Variants in NBAS observed in about 807,000 individuals in gnomAD.
NBAS encodes NAG/BC035112 fusion.
A neutral mutation model predicts 302.5 loss-of-function variants in NBAS; 219 were observed. That is an observed-to-expected ratio of 0.72 (90% CI 0.65 to 0.81). The LOEUF is 0.81. NBAS is among the 30% of genes least tolerant of loss of function. The probability of loss-of-function intolerance (pLI) is 0.00; values close to 1 mark genes in which losing one functional copy is unlikely to be tolerated. For missense variants in NBAS, 2,932 were observed against 2,841.6 expected, an observed-to-expected ratio of 1.03 and a Z score of -0.72; for synonymous variants, 1,118 against 1,021.6, an observed-to-expected ratio of 1.09 and a Z score of -1.80.
In NBAS at chr2:15,548,140, T is replaced by C. The variant is rs1057249761; in HGVS notation, c.379+3353A>G. 5.3e-4 allele frequency among the ~76,000 whole-genome samples: 80 copies of C among 152,352 alleles called. 1 individual carries two copies. Among genetic ancestry groups the C allele is most frequent in the African/African-American group, 1.8e-3 (76 of 41,594 alleles). On this transcript the variant is annotated intron_variant, in intron 6 of 51. Transcript: ENST00000281513. ...TTAAACAAGAAACAGGCAAACATAC[T>C]TTGTTGGTATATTCATTCATCCATA... is the stretch of plus-strand genomic sequence containing the variant.
At chr2:14,985,618 A>C in the NBAS span, among the ~76,000 whole-genome samples, 1 of 152,214 alleles carries the variant, frequency 6.6e-6, no homozygotes, top group African/African-American at 2.4e-5. Flanking sequence ...GTTTCAATGC[A>C]GAAATCTATT....
intron 9 of NBAS, among the ~76,000 whole-genome samples, chr2:15,519,030 A>G (rs1662539912): frequency 1.3e-5 from 2 of 152,214 alleles, no homozygotes; most frequent in African/African-American, 4.8e-5. Context: ...GAGCCAAGCC[A>G]TATTACTCTT....
At chr2:15,119,303 C>CTT in the NBAS span, among the ~76,000 whole-genome samples, 398 of 107,676 alleles carry the variant, frequency 3.7e-3, 7 homozygotes, top group East Asian at 0.031. Flanking sequence ...GAAATCCTTT[C>CTT]TTTTTTTTTT....
chr2:15,404,316 G>C (rs1190049082), intron 25 of NBAS, among the ~76,000 whole-genome samples: 1 of 151,982 alleles, frequency 6.6e-6, no homozygotes, highest in Non-Finnish European at 1.5e-5. Context: ...AAGAAATTGA[G>C]AGAAGATATG....
the NBAS span, among the ~76,000 whole-genome samples, chr2:14,995,663 A>G: frequency 6.6e-6 from 1 of 152,186 alleles, no homozygotes; most frequent in Admixed American, 6.5e-5. Flanking sequence ...ACTAGCCTGG[A>G]CACATCAACA....
Position 15,427,811 on chromosome 2 carries a change from A to T in NBAS, c.2340-17T>A, listed in dbSNP as rs781357166. 1 of 1,589,076 alleles carries T rather than the reference A, an allele frequency of 6.3e-7. No individual in the cohort carries two copies. Among genetic ancestry groups the T allele is most frequent in the African/African-American group, 1.3e-5 (1 of 74,556 alleles). ...CCGTTAAAACTCAAATTTAAAAAAA[A>T]ATAAGTGTTTAAAATTCACATTACC... On this transcript the variant is annotated splice_polypyrimidine_tract_variant and intron_variant, in intron 21 of 51. Transcript: ENST00000281513.
At chr2:14,946,446 G>A in the NBAS span, among the ~76,000 whole-genome samples, 3 of 151,868 alleles carry the variant, frequency 2.0e-5, no homozygotes, top group African/African-American at 7.3e-5. Context: ...AGAAAAAGAA[G>A]GTCACTATAT....
chr2:15,227,212 C>T (rs745452453), intron 47 of NBAS, among the ~76,000 whole-genome samples: 1 of 151,784 alleles, frequency 6.6e-6, no homozygotes, highest in Non-Finnish European at 1.5e-5. Context: ...TTCTATATGC[C>T]AATAGCAAAC....
chr2:15,476,501 C>G (rs1401472006), intron 13 of NBAS, among the ~76,000 whole-genome samples: 2 of 151,898 alleles, frequency 1.3e-5, no homozygotes, highest in Non-Finnish European at 2.9e-5. Context: ...GGTGGGCAGA[C>G]CACAAGGTCA....
At chr2:14,807,839 G>A in the NBAS span, among the ~76,000 whole-genome samples, 1 of 152,102 alleles carries the variant, frequency 6.6e-6, no homozygotes, top group East Asian at 1.9e-4. Context: ...ATAATTAAAT[G>A]AGATAATTCA....
intron 13 of NBAS, 60 bp from the exon 14 acceptor site, chr2:15,475,940 T>C (rs1048573989): frequency 1.5e-6 from 2 of 1,321,808 alleles, no homozygotes; most frequent in African/African-American, 2.9e-5. Flanking sequence ...AAATTCAAAA[T>C]ATTTAGTATA....
At chr2:15,149,280 A>C in the NBAS span, among the ~76,000 whole-genome samples, 11 of 152,226 alleles carry the variant, frequency 7.2e-5, no homozygotes, top group Admixed American at 5.9e-4. Context: ...CCATAAAATG[A>C]CACAGCAAGA....
chr2:15,483,093 T>C (rs993957172), intron 12 of NBAS, among the ~76,000 whole-genome samples: 3 of 152,186 alleles, frequency 2.0e-5, no homozygotes, highest in Admixed American at 1.3e-4. Flanking sequence ...ATTTGCTAAT[T>C]GTTTTTACCA....
the NBAS span, among the ~76,000 whole-genome samples, chr2:14,945,882 ACCAGC>A: frequency 9.2e-5 from 14 of 152,298 alleles, no homozygotes; most frequent in South Asian, 2.9e-3. Flanking sequence ...GGAGTTCAAG[ACCAGC>A]CTGGCCAACA....
chr2:14,914,691 C>G, the NBAS span, among the ~76,000 whole-genome samples: 11 of 152,264 alleles, frequency 7.2e-5, no homozygotes, highest in East Asian at 1.9e-3. Flanking sequence ...CTAAAAGACA[C>G]AGACAGTGAA....
At chr2:14,845,594 A>G in the NBAS span, among the ~76,000 whole-genome samples, 1 of 152,356 alleles carries the variant, frequency 6.6e-6, no homozygotes, top group South Asian at 2.1e-4. Flanking sequence ...AGAAACAGAG[A>G]TATGTGACCT....
chr2:15,018,251 TAAC>T, the NBAS span, among the ~76,000 whole-genome samples: 1 of 152,012 alleles, frequency 6.6e-6, no homozygotes, highest in African/African-American at 2.4e-5. Flanking sequence ...GTATAGTTAA[TAAC>T]AATATATTAT....
intron 40 of NBAS, among the ~76,000 whole-genome samples, chr2:15,307,750 T>C (rs775742027): frequency 6.6e-6 from 1 of 152,096 alleles, no homozygotes; most frequent in Non-Finnish European, 1.5e-5. Context: ...TTTTGGCAAG[T>C]ATGAATAATA....
the NBAS span, among the ~76,000 whole-genome samples, chr2:15,160,422 T>A: frequency 6.6e-6 from 1 of 152,102 alleles, no homozygotes; most frequent in Non-Finnish European, 1.5e-5. Flanking sequence ...GCAGGGAGGC[T>A]TAAGGGACAC....
Sources: gnomAD v4.1 joint callset for allele counts (sites outside exome capture counted in the v4.1 genomes callset) on GRCh38, gnomAD v4.1.1 for gene constraint, MANE v1.5 for transcripts, NCBI Gene and HGNC (gene_info 2026-07-23, HGNC 2026-07-21) for gene names.